ATF6: variants seen among roughly 807,000 people sequenced by gnomAD.
ATF6 encodes activating transcription factor 6.
Under a neutral mutation model 83.6 loss-of-function variants are expected in ATF6, and 53 were observed. The observed-to-expected ratio is 0.63, with a 90% CI of 0.51 to 0.80. ATF6 has a LOEUF of 0.80. ATF6 is among the 30% of genes least tolerant of loss of function. The pLI is 0.00. For missense variants in ATF6, 744 were observed against 797.9 expected (o/e 0.93, Z 0.81); for synonymous variants, 288 against 285.8 (o/e 1.01, Z -0.08).
chr1:161,836,812 G>A (rs1008439146), intron 9 of ATF6, among the ~76,000 whole-genome samples: 2 of 152,120 alleles, frequency 1.3e-5, no homozygotes, highest in African/African-American at 2.4e-5. Context: ...CTTCATTGTT[G>A]TAATGAAGGG....
At chr1:161,914,815 A>T (rs1423966936) in intron 15 of ATF6, among the ~76,000 whole-genome samples, 5 of 151,964 alleles carry the variant, frequency 3.3e-5, no homozygotes, top group African/African-American at 9.7e-5. Context: ...AACACCCCTT[A>T]CTTCCTGGCT....
intron 15 of ATF6, among the ~76,000 whole-genome samples, chr1:161,953,113 T>C (rs940444624): frequency 6.6e-6 from 1 of 152,212 alleles, no homozygotes; most frequent in African/African-American, 2.4e-5. Context: ...GTTTCTTAAG[T>C]AAATTATTAT....
At chr1:161,791,064 G>A (rs1196395469) in intron 4 of ATF6, among the ~76,000 whole-genome samples, 3 of 36,032 alleles carry the variant, frequency 8.3e-5, no homozygotes, top group South Asian at 1.3e-3. Flanking sequence ...AGTTTTATAT[G>A]TGTGTGTGTG....
At chr1:161,778,865 A>G (rs747259966) in intron 2 of ATF6, among the ~76,000 whole-genome samples, 3 of 152,192 alleles carry the variant, frequency 2.0e-5, no homozygotes, top group Admixed American at 6.5e-5. Flanking sequence ...ATTAGTACAT[A>G]TAAAACTCTT....
intron 14 of ATF6, among the ~76,000 whole-genome samples, chr1:161,865,134 AT>A (rs1232093944): frequency 1.3e-5 from 2 of 151,798 alleles, no homozygotes; most frequent in Non-Finnish European, 2.9e-5. Flanking sequence ...GAGAACAAGT[AT>A]TTTTTATAGA....
Position 161,958,321 on chromosome 1 carries a change from C to T in ATF6, c.1805-125C>T, listed in dbSNP as rs1320541820. ...CTTACTGACTGAGAGTCCCTCTGCA[C>T]CCCTTGAAAGTTTACTGACAGTTCA... is the stretch of plus-strand genomic sequence containing the variant. On this transcript the variant is annotated intron_variant, in intron 15 of 15. Transcript: ENST00000367942. 4 of 890,346 alleles carry T rather than the reference C, an allele frequency of 4.5e-6. No individual in the cohort carries two copies. The African/African-American group carries it at 6.8e-5, about 15-fold the overall frequency. 55.2% of individuals were successfully genotyped at this position (890,346 alleles called of 1,614,324 possible).
At chr1:161,835,096 A>G (rs920581049) in intron 9 of ATF6, among the ~76,000 whole-genome samples, 4 of 152,228 alleles carry the variant, frequency 2.6e-5, no homozygotes, top group African/African-American at 9.6e-5. Context: ...TAGAGACAGG[A>G]TCTTGCTTTG....
intron 14 of ATF6, among the ~76,000 whole-genome samples, chr1:161,875,394 A>G (rs1430994365): frequency 1.3e-5 from 2 of 151,850 alleles, no homozygotes; most frequent in African/African-American, 4.8e-5. Flanking sequence ...TTGTTACATC[A>G]TACATTGGTC....
At chr1:161,868,930 T>C (rs1405809154) in intron 14 of ATF6, among the ~76,000 whole-genome samples, 2 of 152,138 alleles carry the variant, frequency 1.3e-5, no homozygotes, top group African/African-American at 4.8e-5. Context: ...TAAAATTATT[T>C]GTTGGCAGCA....
chr1:161,848,305 A>C lies in ATF6; in HGVS notation c.1319+1725A>C, dbSNP rs540100519. On this transcript the variant is annotated intron_variant, in intron 10 of 15. Transcript: ENST00000367942. ...TTTGTGAAACATTTGAAAGCACCTA[A>C]TATTACTTTGTTCTGTGTTCTGAAC... 2.0e-5 allele frequency among the ~76,000 whole-genome samples: 3 copies of C among 152,194 alleles called. No individual in the cohort carries two copies. In the East Asian group the frequency reaches 5.8e-4, roughly 29 times the overall value.
rs1387603282 is a variant in ATF6 at position 161,912,370 on chromosome 1, A to C, written c.1794A>C (p.Ile598=). The C allele has an allele frequency of 1.9e-6, 3 of 1,607,408 alleles. No homozygotes were observed. The highest frequency in any genetic ancestry group is 2.6e-6 in the Non-Finnish European group (3 of 1,175,806). Residue 598 remains isoleucine, a synonymous_variant, in exon 15 of 16, where the codon ATA becomes ATC. Coordinates refer to ENST00000367942, the MANE Select transcript of ATF6 (RefSeq NM_007348.4). ...AAATGTCAATTGTGTTACCAGCAAT[A>C]AACATAAATGGTAAGTTGAAATTCT... ...RPKMSIVLPA[I]NINENVINGQ...
At chr1:161,772,120 T>C (rs1296999708) in intron 1 of ATF6, among the ~76,000 whole-genome samples, 3 of 152,228 alleles carry the variant, frequency 2.0e-5, no homozygotes, top group Admixed American at 6.5e-5. Context: ...ATGTTTCCAG[T>C]GTCTCTCATT....
chr1:161,956,374 G>A (rs1046098176), intron 15 of ATF6, among the ~76,000 whole-genome samples: 4 of 152,210 alleles, frequency 2.6e-5, no homozygotes, highest in Admixed American at 1.3e-4. Context: ...AATGACTGGT[G>A]TGGTGCCTTG....
intron 14 of ATF6, among the ~76,000 whole-genome samples, chr1:161,867,600 C>G (rs1002169021): frequency 7.9e-5 from 12 of 152,144 alleles, no homozygotes; most frequent in Non-Finnish European, 1.5e-4. Context: ...AACAGGTTCT[C>G]TTTGAATCAG....
intron 7 of ATF6, among the ~76,000 whole-genome samples, chr1:161,811,851 T>A (rs569256245): frequency 3.9e-5 from 6 of 152,324 alleles, no homozygotes; most frequent in Admixed American, 3.9e-4. Context: ...CACAGTATTT[T>A]ACCCCTAATT....
At chr1:161,907,440 G>A (rs1215374183) in intron 14 of ATF6, among the ~76,000 whole-genome samples, 3 of 152,184 alleles carry the variant, frequency 2.0e-5, no homozygotes, top group Non-Finnish European at 4.4e-5. Flanking sequence ...AATATAAAAT[G>A]TTAAGAGGCT....
At chr1:161,781,006 C>G (rs1190601910) in intron 2 of ATF6, among the ~76,000 whole-genome samples, 1 of 152,114 alleles carries the variant, frequency 6.6e-6, no homozygotes, top group Non-Finnish European at 1.5e-5. Flanking sequence ...TATTTACTGC[C>G]TTTTGACTTT....
intron 9 of ATF6, among the ~76,000 whole-genome samples, chr1:161,844,503 G>C (rs534577074): frequency 2.2e-4 from 34 of 152,164 alleles, no homozygotes; most frequent in African/African-American, 7.5e-4. Flanking sequence ...TTAATAATTA[G>C]GGTGGTAGAG....
intron 9 of ATF6, among the ~76,000 whole-genome samples, chr1:161,835,914 T>C (rs1686201324): frequency 6.6e-6 from 1 of 152,244 alleles, no homozygotes; most frequent in African/African-American, 2.4e-5. Flanking sequence ...CTTAAAAAAA[T>C]TAACAAATGT....
Sources: gnomAD v4.1 joint callset for allele counts (sites outside exome capture counted in the v4.1 genomes callset) on GRCh38, gnomAD v4.1.1 for gene constraint, MANE v1.5 for transcripts, NCBI Gene and HGNC (gene_info 2026-07-23, HGNC 2026-07-21) for gene names.